Variants in RTN1 observed in about 807,000 individuals in gnomAD.
RTN1 encodes the protein reticulon-1.
A neutral mutation model predicts 65.5 loss-of-function variants in RTN1; 25 were observed. The observed-to-expected ratio is 0.38, with a 90% CI of 0.28 to 0.53. The LOEUF (loss-of-function observed/expected upper bound fraction) is 0.53, where lower values mean the gene tolerates loss of function less well. Among genes scored for constraint, RTN1 ranks in the 20% least tolerant of loss-of-function variants. The pLI, the probability that RTN1 is intolerant of heterozygous loss-of-function variation, is 0.79. For synonymous variants in RTN1, 471 were observed against 447.6 expected, an observed-to-expected ratio of 1.05 and a Z score of -0.66; for missense variants, 983 against 1,025.4, an observed-to-expected ratio of 0.96 and a Z score of 0.57.
chr14:59,692,482 T>C (rs1883982076), intron 3 of RTN1, among the ~76,000 whole-genome samples: 1 of 152,164 alleles, frequency 6.6e-6, no homozygotes, highest in Admixed American at 6.5e-5. Flanking sequence ...AAAATGGCCA[T>C]ACTGCCCAAA....
intron 1 of RTN1, among the ~76,000 whole-genome samples, chr14:59,828,554 A>C (rs545970068): frequency 6.6e-6 from 1 of 152,294 alleles, no homozygotes; most frequent in South Asian, 2.1e-4. Flanking sequence ...GCAGACTTCT[A>C]TTTACATACC....
At chr14:59,621,954 CTGTGTAATT>C (rs1204038654) in intron 3 of RTN1, among the ~76,000 whole-genome samples, 1 of 152,188 alleles carries the variant, frequency 6.6e-6, no homozygotes, top group Non-Finnish European at 1.5e-5. Context: ...ATATTCTTAA[CTGTGTAATT>C]TTATTCCATC....
intron 3 of RTN1, among the ~76,000 whole-genome samples, chr14:59,641,100 A>G (rs1882769766): frequency 6.6e-6 from 1 of 152,066 alleles, no homozygotes; most frequent in South Asian, 2.1e-4. Context: ...TAGGGACTAC[A>G]GGCATGTGCC....
intron 1 of RTN1, among the ~76,000 whole-genome samples, chr14:59,860,311 C>G (rs1363322514): frequency 1.3e-5 from 2 of 152,212 alleles, no homozygotes; most frequent in African/African-American, 4.8e-5. Flanking sequence ...AAACCCCAAG[C>G]CTTGGCAGCT....
chr14:59,801,989 C>T (rs1393059849), intron 1 of RTN1, among the ~76,000 whole-genome samples: 4 of 152,058 alleles, frequency 2.6e-5, no homozygotes, highest in African/African-American at 9.7e-5. Context: ...TTAATTACTC[C>T]CCAAGTATAT....
chr14:59,744,733 A>G (rs1885180724), intron 2 of RTN1, among the ~76,000 whole-genome samples: 1 of 152,178 alleles, frequency 6.6e-6, no homozygotes, highest in Admixed American at 6.5e-5. Context: ...TCCCTAAAAG[A>G]TCCAGAAGTC....
rs1887208787 is a variant in RTN1, at chr14:59,836,099, GACCCTCGTGATTGC to G, written c.241+34277_241+34290del. Among the ~76,000 whole-genome samples the G allele has an allele frequency of 6.6e-6, 1 of 152,090 alleles. No homozygotes were observed. ...GACTCTGCTTCTTCCCTCTTAGAAGGACCCTCGTGATTGCACTGGGACCACCTGGATAATCGAGG... is the reference window on the plus strand; with the variant it reads ...GACTCTGCTTCTTCCCTCTTAGAAGGACTGGGACCACCTGGATAATCGAGG... On this transcript the variant is annotated intron_variant, in intron 1 of 8. Coordinates refer to ENST00000267484, the MANE Select transcript of RTN1 (RefSeq NM_021136.3). The surrounding 1 kb of genome is among the most constrained non-coding windows in gnomAD (Gnocchi z 4.9).
At position 59,607,440 on chromosome 14, in the gene RTN1, C is replaced by A; in HGVS notation, c.1818G>T (p.Gly606=). Residue 606 remains glycine (G), a synonymous_variant, in exon 4 of 9, where the codon GGG becomes GGT. Transcript: ENST00000267484. ...RDIKQTGIVF[G]SFLLLLFSLT... ...GGGAGAAGAGCAGCAGCAGGAAACT[C>A]CCAAACACGATGCCCGTCTGCTTGA... is the stretch of plus-strand genomic sequence containing the variant. The A allele has an allele frequency of 1.2e-6, 2 of 1,612,256 alleles. No homozygotes were observed. Among genetic ancestry groups the A allele is most frequent in the South Asian group, 2.2e-5 (2 of 90,820 alleles).
At chr14:59,830,734 T>G (rs1273074138) in intron 1 of RTN1, among the ~76,000 whole-genome samples, 1 of 152,202 alleles carries the variant, frequency 6.6e-6, no homozygotes, top group East Asian at 1.9e-4. Context: ...GTGCCTTAAT[T>G]TTCTGATCTG....
intron 3 of RTN1, among the ~76,000 whole-genome samples, chr14:59,620,845 A>G (rs758472635): frequency 1.3e-5 from 2 of 152,206 alleles, no homozygotes; most frequent in Admixed American, 6.5e-5. Flanking sequence ...GCATGATCAG[A>G]AGACTCTAAG....
intron 1 of RTN1, among the ~76,000 whole-genome samples, chr14:59,851,548 T>C (rs1050714738): frequency 4.6e-5 from 7 of 152,170 alleles, no homozygotes; most frequent in African/African-American, 1.4e-4. Flanking sequence ...TTTTTGTTCC[T>C]TAATGTTATT....
At chr14:59,690,485 T>A (rs938049534) in intron 3 of RTN1, among the ~76,000 whole-genome samples, 1 of 152,044 alleles carries the variant, frequency 6.6e-6, no homozygotes, top group Non-Finnish European at 1.5e-5. Flanking sequence ...CTTAGCCACA[T>A]AAATAATAGT....
intron 1 of RTN1, among the ~76,000 whole-genome samples, chr14:59,777,796 CAAAA>C (rs1886079200): frequency 8.0e-6 from 1 of 124,500 alleles, no homozygotes; most frequent in African/African-American, 3.5e-5. Flanking sequence ...CAAGTCAAGA[CAAAA>C]CAACAACAAC....
At chr14:59,729,594 G>T (rs1884857706) in intron 2 of RTN1, among the ~76,000 whole-genome samples, 1 of 152,192 alleles carries the variant, frequency 6.6e-6, no homozygotes, top group Non-Finnish European at 1.5e-5. Context: ...AGAGCACGGA[G>T]AAATAAGATA....
At chr14:59,636,359 G>A (rs1882664989) in intron 3 of RTN1, among the ~76,000 whole-genome samples, 1 of 152,074 alleles carries the variant, frequency 6.6e-6, no homozygotes, top group African/African-American at 2.4e-5. Flanking sequence ...CTTGCCCTCT[G>A]CTCCCTTGCT....
chr14:59,667,113 G>T (rs1385578103), intron 3 of RTN1, among the ~76,000 whole-genome samples: 1 of 151,854 alleles, frequency 6.6e-6, no homozygotes, highest in Non-Finnish European at 1.5e-5. Context: ...ATTTTATGAG[G>T]CTAGCATCAT....
chr14:59,666,385 A>T (rs148824447), intron 3 of RTN1, among the ~76,000 whole-genome samples: 160 of 152,336 alleles, frequency 1.1e-3, no homozygotes, highest in African/African-American at 3.7e-3. Context: ...ATGTTCTTTG[A>T]AACCAATGAG....
chr14:59,748,580 G>T (rs34338270), intron 1 of RTN1, among the ~76,000 whole-genome samples: 1 of 151,684 alleles, frequency 6.6e-6, no homozygotes, highest in South Asian at 2.1e-4. Context: ...TCTTTTTCCT[G>T]TATTGCTTAT....
chr14:59,828,703 A>C (rs964937525), intron 1 of RTN1, among the ~76,000 whole-genome samples: 1 of 152,222 alleles, frequency 6.6e-6, no homozygotes, highest in Non-Finnish European at 1.5e-5. Flanking sequence ...CCACAGGGGA[A>C]CATGCACTGC....
Sources: allele counts gnomAD v4.1 joint callset (sites outside exome capture counted in the v4.1 genomes callset), GRCh38; gene constraint gnomAD v4.1.1; non-coding constraint Gnocchi (gnomAD v3.1); transcripts MANE v1.5; gene names NCBI Gene and HGNC (gene_info 2026-07-23, HGNC 2026-07-21).